Variants in SPTBN1 observed in about 807,000 individuals in gnomAD.
SPTBN1 encodes the protein spectrin beta chain, non-erythrocytic 1.
SPTBN1 carries 32 observed loss-of-function variants against 266.4 expected under a neutral mutation model. The ratio of observed to expected loss-of-function variants is 0.12; its 90% confidence interval spans 0.09 to 0.16. The LOEUF (loss-of-function observed/expected upper bound fraction) is 0.16, where lower values mean the gene tolerates loss of function less well. Among genes scored for constraint, SPTBN1 ranks in the 10% least tolerant of loss-of-function variants. The pLI is 1.00. For missense variants in SPTBN1, 2,296 were observed against 3,067.1 expected, an observed-to-expected ratio of 0.75 and a Z score of 5.94; for synonymous variants, 1,336 against 1,162.2, an observed-to-expected ratio of 1.15 and a Z score of -3.04.
intron 1 of SPTBN1, among the ~76,000 whole-genome samples, chr2:54,522,650 G>A (rs75461230): frequency 0.069 from 3,688 of 53,260 alleles, 166 homozygotes; most frequent in Non-Finnish European, 0.08. Context: ...GAAAGAAAGA[G>A]AGAGAGAAAG....
At chr2:54,635,073 A>G (rs548911666) in intron 17 of SPTBN1, among the ~76,000 whole-genome samples, 8 of 152,346 alleles carry the variant, frequency 5.3e-5, no homozygotes, top group South Asian at 4.1e-4. Context: ...GTTCTTGACT[A>G]TTCACAGAAA....
intron 2 of SPTBN1, among the ~76,000 whole-genome samples, chr2:54,576,683 G>C (rs1288208666): frequency 6.6e-6 from 1 of 152,164 alleles, no homozygotes; most frequent in African/African-American, 2.4e-5. Context: ...TTAGCTTGAA[G>C]ATCACTGAGG....
intron 1 of SPTBN1, among the ~76,000 whole-genome samples, chr2:54,467,485 C>G (rs1693696577): frequency 1.3e-5 from 2 of 152,250 alleles, no homozygotes; most frequent in South Asian, 4.1e-4. Flanking sequence ...ACCTCCGCCT[C>G]CCAGGTTCAA....
intron 1 of SPTBN1, among the ~76,000 whole-genome samples, chr2:54,501,098 T>A (rs1669241942): frequency 6.6e-6 from 1 of 152,162 alleles, no homozygotes. Context: ...TGATCTTCTC[T>A]CGGGGCTCGT....
intron 1 of SPTBN1, among the ~76,000 whole-genome samples, chr2:54,510,997 T>C (rs1011212062): frequency 6.6e-6 from 1 of 152,246 alleles, no homozygotes; most frequent in Non-Finnish European, 1.5e-5. Context: ...CCTGTGACTT[T>C]CTGGAAAGTG....
chr2:54,604,977 A>C (rs1676744942), intron 3 of SPTBN1, among the ~76,000 whole-genome samples: 1 of 152,186 alleles, frequency 6.6e-6, no homozygotes, highest in Admixed American at 6.5e-5. Flanking sequence ...TCCTGTCAGA[A>C]GTGACACAGA....
intron 17 of SPTBN1, among the ~76,000 whole-genome samples, chr2:54,633,939 T>C (rs1016427438): frequency 1.3e-5 from 2 of 152,184 alleles, no homozygotes; most frequent in African/African-American, 2.4e-5. Flanking sequence ...GAATAACTTA[T>C]GTTAATTATA....
rs77625263 is a variant in SPTBN1 at position 54,592,215 on chromosome 2, C to G, written c.149-6877C>G. Among the ~76,000 whole-genome samples the G allele has an allele frequency of 5.9e-3, 896 of 152,154 alleles. 11 individuals carry two copies. The highest frequency in any genetic ancestry group is 0.021 in the African/African-American group (852 of 41,502). On this transcript the variant is annotated intron_variant, in intron 2 of 35. Coordinates refer to ENST00000356805, the MANE Select transcript of SPTBN1 (RefSeq NM_003128.3). The stretch of plus-strand genomic sequence containing the variant: ...AATATAAATTAAAAAATTACATAGA[C>G]GCATTACAGCCTTTCAGTATTTATC...
chr2:54,553,072 A>G (rs952026019), intron 2 of SPTBN1, among the ~76,000 whole-genome samples: 9 of 152,220 alleles, frequency 5.9e-5, no homozygotes, highest in Non-Finnish European at 1.3e-4. Context: ...TTTGGGGGGA[A>G]AAGGAGGCTT....
chr2:54,624,630 GA>G (rs1009680191), intron 10 of SPTBN1, among the ~76,000 whole-genome samples, 173 bp from the exon 11 acceptor site: 9 of 152,176 alleles, frequency 5.9e-5, no homozygotes, highest in African/African-American at 2.2e-4. Flanking sequence ...TACACTGAGA[GA>G]AAAACCCGTT....
intron 1 of SPTBN1, among the ~76,000 whole-genome samples, chr2:54,470,475 ATC>A (rs2103856757): frequency 6.6e-6 from 1 of 152,276 alleles, no homozygotes; most frequent in African/African-American, 2.4e-5. Context: ...TAGCTGGCCT[ATC>A]TCTGGAATGT....
rs118082337 is a variant in SPTBN1 at position 54,587,614 on chromosome 2, A to G, written c.149-11478A>G. Among the ~76,000 whole-genome samples, 64 of 152,322 alleles carry G rather than the reference A, an allele frequency of 4.2e-4. No homozygotes were observed. The East Asian group carries it at 0.012, about 28-fold the overall frequency. The stretch of plus-strand genomic sequence containing the variant: ...ACTGGAGGAGAAGAGGTGATGGTGT[A>G]TGAAGTGTCCATCAAAATAAGAGCT... On this transcript the variant is annotated intron_variant, in intron 2 of 35. Transcript: ENST00000356805.
intron 1 of SPTBN1, among the ~76,000 whole-genome samples, chr2:54,471,318 C>T (rs764356428): frequency 6.6e-6 from 1 of 152,208 alleles, no homozygotes; most frequent in Non-Finnish European, 1.5e-5. Context: ...CCCTTGGTAT[C>T]AGTTCTCCTT....
At chr2:54,464,379 A>G (rs185539450) in intron 1 of SPTBN1, among the ~76,000 whole-genome samples, 90 of 152,340 alleles carry the variant, frequency 5.9e-4, no homozygotes, top group African/African-American at 2.0e-3. Context: ...TGAGATGGGA[A>G]GATGCCGGTA....
chr2:54,654,993 T>G, intron 27 of SPTBN1, 77 bp from the exon 28 acceptor site: 1 of 1,490,398 alleles, frequency 6.7e-7, no homozygotes, highest in Non-Finnish European at 9.0e-7. Flanking sequence ...TCTTTCAAAT[T>G]AATTGTGTGT....
chr2:54,583,689 T>A (rs1675099548), intron 2 of SPTBN1, among the ~76,000 whole-genome samples: 2 of 152,212 alleles, frequency 1.3e-5, no homozygotes, highest in South Asian at 4.1e-4. Context: ...TAACTACCAA[T>A]TTAGTATGCC....
chr2:54,643,096 A>G lies in SPTBN1; in HGVS notation c.3972A>G (p.Ala1324=). Residue 1324 remains alanine, a synonymous_variant, in exon 19 of 36, where the codon GCA becomes GCG. Transcript: ENST00000356805. The part of the protein sequence containing the change: ...LKHQAFMAEL[A]SNKEWLDKIE... ...ATCAAGCATTTATGGCAGAACTTGC[A>G]TCCAACAAAGAATGGCTTGACAAAA... 1 of 1,614,216 alleles carries G rather than the reference A, an allele frequency of 6.2e-7. No homozygotes were observed. Among genetic ancestry groups the G allele is most frequent in the Non-Finnish European group, 8.5e-7 (1 of 1,180,028 alleles).
chr2:54,628,943 C>A lies in SPTBN1; in HGVS notation c.1809C>A (p.Pro603=). 1 of 1,600,836 alleles carries A rather than the reference C, an allele frequency of 6.2e-7. No homozygotes were observed. The highest frequency in any genetic ancestry group is 1.3e-5 in the African/African-American group (1 of 74,632). ...KFATDGEGYK[P]CDPQVIRDRV... ...CTTGATGTTAAACAGGTTACAAGCCCTGTGACCCCCAGGTGATCCGAGACC... is the reference window on the plus strand; with the variant it reads ...CTTGATGTTAAACAGGTTACAAGCCATGTGACCCCCAGGTGATCCGAGACC... The change falls in exon 14 of 36, where the codon CCC becomes CCA. Residue 603 remains proline (P), a synonymous_variant. Transcript: ENST00000356805. The surrounding 1 kb of genome is among the most constrained non-coding windows in gnomAD (Gnocchi z 4.3).
In SPTBN1 at chr2:54,558,828, A is replaced by T; in HGVS notation, c.148+32262A>T. 6.2e-7 allele frequency: 1 copy of T among 1,613,942 alleles called. No homozygotes were observed. On this transcript the variant is annotated intron_variant, in intron 2 of 35. Coordinates refer to ENST00000356805, the MANE Select transcript of SPTBN1 (RefSeq NM_003128.3). This position sits in a 1 kb window ranked among gnomAD's most constrained non-coding sequence, Gnocchi z 4.6. ...ATCTCCGGGCCGCTGTCGCCGGCGT[A>T]CACGGGGCAGGTGCCTTACAACTAC...
Sources: allele counts gnomAD v4.1 joint callset (sites outside exome capture counted in the v4.1 genomes callset), GRCh38; gene constraint gnomAD v4.1.1; non-coding constraint Gnocchi (gnomAD v3.1); transcripts MANE v1.5; gene names NCBI Gene and HGNC (gene_info 2026-07-23, HGNC 2026-07-21).